The following PLXDC2 variants were observed in gnomAD, a reference collection of about 807,000 sequenced individuals.
PLXDC2 encodes the protein plexin domain containing 2.
In PLXDC2, 40 loss-of-function variants were observed where a neutral mutation model predicts 68.9. The ratio of observed to expected loss-of-function variants is 0.58; its 90% CI spans 0.45 to 0.76. The LOEUF is 0.76. PLXDC2 is among the 30% of genes least tolerant of loss of function. The pLI is 0.00. For missense variants in PLXDC2, 644 were observed against 661.9 expected (o/e 0.97, Z 0.30); for synonymous variants, 243 against 234.2 (o/e 1.04, Z -0.34).
chr10:20,096,341 C>A (rs556489419), intron 4 of PLXDC2, among the ~76,000 whole-genome samples: 1 of 151,236 alleles, frequency 6.6e-6, no homozygotes, highest in Non-Finnish European at 1.5e-5. Flanking sequence ...AATAAAATCA[C>A]GCTGAAAGAA....
chr10:19,966,197 A>G (rs1834245948), intron 1 of PLXDC2, among the ~76,000 whole-genome samples: 1 of 139,420 alleles, frequency 7.2e-6, no homozygotes, highest in Admixed American at 6.9e-5. Flanking sequence ...ATATGTACTC[A>G]TGCACATATA....
intron 1 of PLXDC2, among the ~76,000 whole-genome samples, chr10:19,966,285 A>G (rs1361076521): frequency 8.1e-6 from 1 of 122,866 alleles, no homozygotes; most frequent in Non-Finnish European, 1.7e-5. Context: ...ATATGTGTAT[A>G]TATACACATA....
intron 4 of PLXDC2, among the ~76,000 whole-genome samples, chr10:20,123,921 A>G (rs1388986117): frequency 6.6e-6 from 1 of 151,880 alleles, no homozygotes; most frequent in African/African-American, 2.4e-5. Flanking sequence ...GGGCACAGAG[A>G]TATAAGGGGT....
chr10:20,105,562 T>C (rs1205781647), intron 4 of PLXDC2, among the ~76,000 whole-genome samples: 6 of 152,188 alleles, frequency 3.9e-5, no homozygotes, highest in African/African-American at 1.4e-4. Flanking sequence ...GAGTGGGGAA[T>C]GAGTGATGAG....
rs1230947046 is a variant in PLXDC2, at chr10:20,285,191, G to T, written c.*5372G>T. Reference sequence around the variant, plus strand: ...AGGTTTTTTGGGCAGATAATGCGAGGTCTGTGGTGTTACCTTTTATATACT... The same window carrying T: ...AGGTTTTTTGGGCAGATAATGCGAGTTCTGTGGTGTTACCTTTTATATACT... On this transcript the variant is annotated 3_prime_UTR_variant, in exon 14 of 14. Coordinates refer to ENST00000377252, the MANE Select transcript of PLXDC2 (RefSeq NM_032812.9). 2 of 152,142 alleles carry T rather than the reference G, an allele frequency of 1.3e-5. No homozygotes were observed. Among genetic ancestry groups the T allele is most frequent in the African/African-American group, 4.8e-5 (2 of 41,430 alleles). 9.4% of individuals were successfully genotyped at this position (152,142 alleles called of 1,614,324 possible).
At chr10:19,892,079 CAA>C (rs1475419425) in intron 1 of PLXDC2, among the ~76,000 whole-genome samples, 6 of 152,142 alleles carry the variant, frequency 3.9e-5, no homozygotes, top group Non-Finnish European at 8.8e-5. Context: ...GAGAAATAGT[CAA>C]GTTACATTAA....
chr10:19,994,005 T>A (rs1277429072), intron 1 of PLXDC2, among the ~76,000 whole-genome samples: 1 of 152,196 alleles, frequency 6.6e-6, no homozygotes, highest in African/African-American at 2.4e-5. Flanking sequence ...GCTCATCTTC[T>A]AGTTTTAACT....
intron 4 of PLXDC2, among the ~76,000 whole-genome samples, chr10:20,113,190 C>A (rs1833580442): frequency 1.3e-5 from 2 of 151,980 alleles, no homozygotes; most frequent in Non-Finnish European, 2.9e-5. Flanking sequence ...GGTAGATGTT[C>A]AGTGATGGAA....
chr10:20,126,772 A>ACG (rs1491385963), intron 4 of PLXDC2, among the ~76,000 whole-genome samples: 54 of 1,776 alleles, frequency 0.03, 6 homozygotes, highest in African/African-American at 0.1. Flanking sequence ...TAGAACACAC[A>ACG]TGTTATATAT....
At chr10:19,881,338 A>G (rs1440736304) in intron 1 of PLXDC2, among the ~76,000 whole-genome samples, 4 of 151,138 alleles carry the variant, frequency 2.6e-5, no homozygotes, top group Non-Finnish European at 5.9e-5. Flanking sequence ...CTGGTCTTGA[A>G]CTCCTGACCT....
intron 1 of PLXDC2, among the ~76,000 whole-genome samples, chr10:19,833,650 A>C (rs1836736657): frequency 6.6e-6 from 1 of 152,196 alleles, no homozygotes; most frequent in Non-Finnish European, 1.5e-5. Flanking sequence ...AAATACTTTG[A>C]CCTTATTAAT....
chr10:20,159,250 C>T (rs1834258817), intron 6 of PLXDC2, among the ~76,000 whole-genome samples: 1 of 152,136 alleles, frequency 6.6e-6, no homozygotes, highest in South Asian at 2.1e-4. Flanking sequence ...TGAGTGAGTC[C>T]TCTGGAGTTG....
intron 1 of PLXDC2, among the ~76,000 whole-genome samples, chr10:19,927,646 G>A (rs530682878): frequency 3.0e-4 from 42 of 140,686 alleles, no homozygotes; most frequent in Non-Finnish European, 5.3e-4. Flanking sequence ...AGGGTGCAGT[G>A]AGCCGAGATT....
At chr10:19,955,984 C>G (rs558411327) in intron 1 of PLXDC2, among the ~76,000 whole-genome samples, 2 of 152,170 alleles carry the variant, frequency 1.3e-5, no homozygotes, top group African/African-American at 2.4e-5. Flanking sequence ...GAGGCTGAGA[C>G]AGGAGAATCG....
intron 2 of PLXDC2, among the ~76,000 whole-genome samples, chr10:20,016,250 A>T (rs1037376521): frequency 6.6e-6 from 1 of 152,200 alleles, no homozygotes; most frequent in African/African-American, 2.4e-5. Context: ...GGATGTAGGG[A>T]AAGTAGTGTT....
At chr10:19,986,630 G>A (rs1202554580) in intron 1 of PLXDC2, among the ~76,000 whole-genome samples, 1 of 152,092 alleles carries the variant, frequency 6.6e-6, no homozygotes, top group Non-Finnish European at 1.5e-5. Flanking sequence ...ATAACAAAAG[G>A]CAGGTTAAAA....
At chr10:20,078,468 A>G (rs1443365112) in intron 4 of PLXDC2, among the ~76,000 whole-genome samples, 1 of 152,230 alleles carries the variant, frequency 6.6e-6, no homozygotes, top group East Asian at 1.9e-4. Flanking sequence ...TTGAAAAATA[A>G]GAGTCATGGA....
intron 4 of PLXDC2, among the ~76,000 whole-genome samples, chr10:20,110,636 C>T (rs1283063393): frequency 6.6e-6 from 1 of 152,166 alleles, no homozygotes; most frequent in Non-Finnish European, 1.5e-5. Context: ...GCTCTGAACG[C>T]CGGTCACTGT....
chr10:20,168,757 A>G (rs4748640), intron 7 of PLXDC2, among the ~76,000 whole-genome samples: 134,303 of 152,180 alleles, frequency 0.88, 59,474 homozygotes, highest in Non-Finnish European at 0.91. Flanking sequence ...AAATATACTT[A>G]TTATGATTAG....
Sources: allele counts gnomAD v4.1 joint callset (sites outside exome capture counted in the v4.1 genomes callset), GRCh38; gene constraint gnomAD v4.1.1; transcripts MANE v1.5; gene names NCBI Gene and HGNC (gene_info 2026-07-23, HGNC 2026-07-21).